Variants in RAD51B observed in about 807,000 individuals in gnomAD.
RAD51B encodes DNA repair protein RAD51 homolog 2.
A neutral mutation model predicts 42.2 loss-of-function variants in RAD51B; 38 were observed. That is an observed-to-expected ratio of 0.90 (90% confidence interval 0.70 to 1.18). RAD51B has a LOEUF of 1.18. Among genes scored for constraint, RAD51B ranks in the 50% most tolerant of loss-of-function variants. The pLI, the probability that RAD51B is intolerant of heterozygous loss-of-function variation, is 0.00. For missense variants in RAD51B, 373 were observed against 400.7 expected, an observed-to-expected ratio of 0.93 and a Z score of 0.59; for synonymous variants, 154 against 145.2, an observed-to-expected ratio of 1.06 and a Z score of -0.43.
intron 10 of RAD51B, among the ~76,000 whole-genome samples, chr14:68,594,199 C>T (rs1382784626): frequency 6.6e-6 from 1 of 151,292 alleles, no homozygotes; most frequent in Non-Finnish European, 1.5e-5. Flanking sequence ...ACAATTTCCT[C>T]TCCCAGAAAC....
chr14:68,326,377 G>C (rs961447313), intron 8 of RAD51B, among the ~76,000 whole-genome samples: 5 of 150,286 alleles, frequency 3.3e-5, no homozygotes, highest in African/African-American at 1.0e-4. Context: ...GTTTCCCCAA[G>C]TAAACTTACT....
intron 10 of RAD51B, among the ~76,000 whole-genome samples, chr14:68,633,521 T>A (rs1161668377): frequency 6.6e-6 from 1 of 152,098 alleles, no homozygotes; most frequent in Non-Finnish European, 1.5e-5. Context: ...TCCAGTGACA[T>A]CCTGACCGTG....
At chr14:68,008,597 A>G (rs1299132056) in intron 7 of RAD51B, among the ~76,000 whole-genome samples, 2 of 152,028 alleles carry the variant, frequency 1.3e-5, no homozygotes, top group Admixed American at 1.3e-4. Context: ...AAATAATTAT[A>G]AATAAGATAG....
chr14:67,830,658 C>T (rs1311403380), intron 3 of RAD51B, among the ~76,000 whole-genome samples: 1 of 152,066 alleles, frequency 6.6e-6, no homozygotes, highest in Non-Finnish European at 1.5e-5. Context: ...CCTCAGCCTC[C>T]CAGTGTGCTG....
chr14:68,059,729 AT>A (rs1287942071), intron 7 of RAD51B, among the ~76,000 whole-genome samples: 4 of 152,140 alleles, frequency 2.6e-5, no homozygotes, highest in East Asian at 3.8e-4. Context: ...TTCATTATGT[AT>A]TTTAGTTGTA....
intron 8 of RAD51B, among the ~76,000 whole-genome samples, chr14:68,366,256 C>A (rs2083140607): frequency 6.6e-6 from 1 of 152,164 alleles, no homozygotes; most frequent in African/African-American, 2.4e-5. Context: ...CTTCAAGTAA[C>A]AAACATACCA....
chr14:67,906,803 CTTCT>C (rs913548820), intron 7 of RAD51B, among the ~76,000 whole-genome samples: 10 of 150,704 alleles, frequency 6.6e-5, no homozygotes, highest in South Asian at 4.2e-4. Flanking sequence ...TCCTTCCTTC[CTTCT>C]TTCTTTCTTT....
chr14:68,257,625 G>A (rs1388587613), intron 7 of RAD51B, among the ~76,000 whole-genome samples: 2 of 152,134 alleles, frequency 1.3e-5, no homozygotes, highest in East Asian at 3.8e-4. Context: ...AGCAAGATGA[G>A]AAGGGAACAT....
At chr14:68,374,227 G>A (rs1292856758) in intron 8 of RAD51B, among the ~76,000 whole-genome samples, 1 of 152,156 alleles carries the variant, frequency 6.6e-6, no homozygotes, top group African/African-American at 2.4e-5. Flanking sequence ...TAGTGCCTAG[G>A]ACAGGGTCTC....
intron 7 of RAD51B, among the ~76,000 whole-genome samples, chr14:68,153,294 A>G (rs1405011790): frequency 6.6e-6 from 1 of 152,218 alleles, no homozygotes; most frequent in Non-Finnish European, 1.5e-5. Flanking sequence ...TGATAATAAG[A>G]AATAAATATA....
rs992035146 is a variant in RAD51B, at chr14:68,662,789, A to G, written c.*11+11933A>G. On this transcript the variant is annotated intron_variant, in intron 11 of 11. Coordinates refer to the RAD51B transcript ENST00000488612. The stretch of plus-strand genomic sequence containing the variant: ...CTTCATAAGCCATCCCTTTCCTTGT[A>G]GATGAGAGAAATTAACCCTGAGTTC... 2.6e-5 allele frequency among the ~76,000 whole-genome samples: 4 copies of G among 152,226 alleles called. No individual in the cohort carries two copies. In the South Asian group the frequency reaches 8.3e-4, roughly 32 times the overall value.
chr14:67,853,924 G>T (rs1361588338), intron 4 of RAD51B, among the ~76,000 whole-genome samples: 2 of 152,184 alleles, frequency 1.3e-5, no homozygotes, highest in Non-Finnish European at 2.9e-5. Context: ...AAGCAGCAGA[G>T]GAGAAATCAG....
At chr14:68,644,554 G>A (rs1385248212) in intron 10 of RAD51B, among the ~76,000 whole-genome samples, 1 of 152,192 alleles carries the variant, frequency 6.6e-6, no homozygotes, top group Non-Finnish European at 1.5e-5. Context: ...GATTCCTGCT[G>A]TTGCTTTTTG....
chr14:67,875,043 A>G (rs1364716981), intron 5 of RAD51B, among the ~76,000 whole-genome samples: 1 of 152,186 alleles, frequency 6.6e-6, no homozygotes, highest in Non-Finnish European at 1.5e-5. Context: ...TGTGAGAAAA[A>G]CTGAGGGATG....
In RAD51B at chr14:67,885,930, T is replaced by C. The variant is rs368036202; in HGVS notation, c.514T>C (p.Leu172=). 3 of 1,606,906 alleles carry C rather than the reference T, an allele frequency of 1.9e-6. No homozygotes were observed. In the African/African-American group the frequency reaches 4.0e-5, roughly 21 times the overall value. ...TTTTAACACTGAAGAAAAGTTACTT[T>C]TGACAAGTAGTAAAGTTCATCTTTA... ...RYFNTEEKLL[L]TSSKVHLYRE... Residue 172 remains leucine, a synonymous_variant, in exon 6 of 11, where the codon TTG becomes CTG. Coordinates refer to ENST00000471583, the MANE Select transcript of RAD51B (RefSeq NM_133510.4).
At chr14:68,212,610 A>T (rs2079734481) in intron 7 of RAD51B, among the ~76,000 whole-genome samples, 1 of 152,204 alleles carries the variant, frequency 6.6e-6, no homozygotes, top group Non-Finnish European at 1.5e-5. Flanking sequence ...ATTTATGAGA[A>T]ATGATAGCAA....
intron 8 of RAD51B, among the ~76,000 whole-genome samples, chr14:68,331,590 T>C (rs1441454715): frequency 2.0e-5 from 3 of 152,124 alleles, no homozygotes; most frequent in African/African-American, 7.2e-5. Context: ...ACATATCTAC[T>C]AATTAGCTCC....
chr14:67,974,759 C>T (rs2074959217), intron 7 of RAD51B, among the ~76,000 whole-genome samples: 1 of 152,048 alleles, frequency 6.6e-6, no homozygotes, highest in African/African-American at 2.4e-5. Flanking sequence ...TTTTTCCCTA[C>T]TCATTCTCTT....
chr14:68,101,388 G>A (rs113212525), intron 7 of RAD51B, among the ~76,000 whole-genome samples: 42 of 152,274 alleles, frequency 2.8e-4, no homozygotes, highest in African/African-American at 9.9e-4. Flanking sequence ...GACAAAGTAA[G>A]TCCCTTCTGC....
Sources: gnomAD v4.1 joint callset for allele counts (sites outside exome capture counted in the v4.1 genomes callset) on GRCh38, gnomAD v4.1.1 for gene constraint, MANE v1.5 for transcripts, NCBI Gene and HGNC (gene_info 2026-07-23, HGNC 2026-07-21) for gene names.